The following KHDC1 variants were observed in gnomAD, a reference collection of about 807,000 sequenced individuals.
KHDC1 encodes KH domain containing 1.
A neutral mutation model predicts 24.7 loss-of-function variants in KHDC1; 21 were observed. The observed-to-expected ratio is 0.85, with a 90% CI of 0.60 to 1.23. The LOEUF is 1.23. Ranked by LOEUF, KHDC1 falls within the 50% of genes most tolerant of loss-of-function variation. The pLI is 0.00. For synonymous variants in KHDC1, 98 were observed against 111.7 expected (o/e 0.88, Z 0.77); for missense variants, 274 against 298.5 (o/e 0.92, Z 0.61).
intron 2 of KHDC1, among the ~76,000 whole-genome samples, chr6:73,244,416 C>T (rs1394777237): frequency 6.6e-6 from 1 of 152,020 alleles, no homozygotes; most frequent in Non-Finnish European, 1.5e-5. Context: ...ATAATGTCAG[C>T]AGACATACTT....
chr6:73,278,374 T>G (rs1426765550), intron 2 of KHDC1, among the ~76,000 whole-genome samples: 1 of 151,892 alleles, frequency 6.6e-6, no homozygotes, highest in Non-Finnish European at 1.5e-5. Context: ...TTTTTCTTAC[T>G]AGTCTACAAC....
chr6:73,300,720 G>T (rs1443693410), intron 1 of KHDC1: 1 of 152,098 alleles, frequency 6.6e-6, no homozygotes, highest in Non-Finnish European at 1.5e-5. Context: ...AATGTCAGTG[G>T]GTTGACTAAA....
chr6:73,256,683 G>T (rs1244186751), intron 2 of KHDC1, among the ~76,000 whole-genome samples: 1 of 152,134 alleles, frequency 6.6e-6, no homozygotes, highest in Non-Finnish European at 1.5e-5. Context: ...TAGGAGAAAG[G>T]TGCCTGTTGT....
At chr6:73,254,131 C>G (rs1196470990) in intron 2 of KHDC1, among the ~76,000 whole-genome samples, 1 of 151,942 alleles carries the variant, frequency 6.6e-6, no homozygotes, top group East Asian at 1.9e-4. Context: ...GGAGGGCATT[C>G]GTAAGAATGA....
chr6:73,262,001 C>T (rs1766989121), intron 2 of KHDC1, among the ~76,000 whole-genome samples: 1 of 151,890 alleles, frequency 6.6e-6, no homozygotes, highest in Non-Finnish European at 1.5e-5. Context: ...ATTCATTGAG[C>T]CCGGCAGGTT....
chr6:73,302,699 G>T (rs935835963), intron 1 of KHDC1, among the ~76,000 whole-genome samples: 2 of 152,166 alleles, frequency 1.3e-5, no homozygotes, highest in African/African-American at 4.8e-5. Flanking sequence ...ATAGTCTGAT[G>T]GGACCATTAT....
chr6:73,272,856 C>CTTTTTTTTTTTTTTTT (rs1158620688), intron 2 of KHDC1, among the ~76,000 whole-genome samples: 4 of 135,276 alleles, frequency 3.0e-5, no homozygotes, highest in African/African-American at 6.1e-5. Context: ...CTTTTCTTTT[C>CTTTTTTTTTTTTTTTT]TTTTTCTTTT....
chr6:73,266,490 G>A (rs1767079971), intron 2 of KHDC1, among the ~76,000 whole-genome samples: 1 of 152,190 alleles, frequency 6.6e-6, no homozygotes, highest in Non-Finnish European at 1.5e-5. Flanking sequence ...AAGTCCTCCT[G>A]TGTTTCAACA....
chr6:73,273,820 G>T (rs557084198), intron 2 of KHDC1, among the ~76,000 whole-genome samples: 1 of 151,392 alleles, frequency 6.6e-6, no homozygotes, highest in South Asian at 2.1e-4. Flanking sequence ...CTCTGTCTTA[G>T]AAAAAATAAA....
At chr6:73,261,070 CTT>C (rs1766971655) in intron 2 of KHDC1, among the ~76,000 whole-genome samples, 2 of 152,198 alleles carry the variant, frequency 1.3e-5, no homozygotes, top group South Asian at 2.1e-4. Context: ...GCAAACCTCT[CTT>C]GTCTACTCCT....
exon 1 of KHDC1, chr6:73,309,862 C>T (rs1306627088): frequency 1.6e-5 from 14 of 893,492 alleles, no homozygotes; most frequent in Non-Finnish European, 2.4e-5. Context: ...CACTTCGGGT[C>T]GGGGTCAACC....
At chr6:73,257,763 T>C (rs1766907470) in intron 2 of KHDC1, among the ~76,000 whole-genome samples, 2 of 151,998 alleles carry the variant, frequency 1.3e-5, no homozygotes, top group Non-Finnish European at 2.9e-5. Flanking sequence ...TTGATATTCA[T>C]GGCCAAGTAA....
rs562851080 is a variant in KHDC1, at chr6:73,293,835, C to G, written c.164-1795G>C. On this transcript the variant is annotated intron_variant, in intron 1 of 4. Coordinates refer to ENST00000370384, the Ensembl canonical transcript of KHDC1. The stretch of plus-strand genomic sequence containing the variant: ...CAGCCTGGCCAACATGGTGAAACCC[C>G]GTCTCTACAAAAACACAAAAATTAG... 2.6e-4 allele frequency among the ~76,000 whole-genome samples: 40 copies of G among 151,882 alleles called. 3 individuals are homozygous for G. The South Asian group carries it at 2.7e-3, about 10-fold the overall frequency.
At chr6:73,294,243 C>G (rs1484278646) in intron 1 of KHDC1, among the ~76,000 whole-genome samples, 2 of 151,984 alleles carry the variant, frequency 1.3e-5, no homozygotes, top group Non-Finnish European at 2.9e-5. Flanking sequence ...GTCTTGTTTC[C>G]TGCTGTGTCC....
chr6:73,298,423 A>ATTTTTTT lies in KHDC1; in HGVS notation c.164-6390_164-6384dup, dbSNP rs370446904. On this transcript the variant is annotated intron_variant, in intron 1 of 4. Transcript: ENST00000370384. ...CCTGGAAGGACTCTATACTTTGCAA[A>ATTTTTTT]TTTTTTTTTTTTTTTTTTTTTTTTT... is the stretch of plus-strand genomic sequence containing the variant. Among the ~76,000 whole-genome samples, 126 of 59,974 alleles carry ATTTTTTT rather than the reference A, an allele frequency of 2.1e-3. 6 individuals carry two copies. The highest frequency in any genetic ancestry group is 8.0e-3 in the African/African-American group (106 of 13,288). 39.3% of individuals were successfully genotyped at this position (59,974 alleles called of 152,430 possible).
exon 5 of KHDC1, chr6:73,241,532 C>T (rs182325320): frequency 5.6e-6 from 9 of 1,613,622 alleles, no homozygotes; most frequent in African/African-American, 1.3e-5. Context: ...TCCTTAATTA[C>T]GGATACAGTG....
intron 2 of KHDC1, among the ~76,000 whole-genome samples, chr6:73,252,140 T>C (rs1056415519): frequency 1.3e-5 from 2 of 149,984 alleles, no homozygotes; most frequent in African/African-American, 4.9e-5. Flanking sequence ...CCTCCCAGGC[T>C]CAAACAATTC....
At chr6:73,246,337 T>C (rs1274161546) in intron 2 of KHDC1, among the ~76,000 whole-genome samples, 2 of 152,232 alleles carry the variant, frequency 1.3e-5, no homozygotes, top group African/African-American at 4.8e-5. Flanking sequence ...AGAATTGTGA[T>C]AGCATAGACT....
chr6:73,270,964 A>G (rs992837580), intron 2 of KHDC1, among the ~76,000 whole-genome samples: 1 of 152,018 alleles, frequency 6.6e-6, no homozygotes, highest in South Asian at 2.1e-4. Flanking sequence ...TGCTGGGATT[A>G]CAAGCGTGAG....
Sources: gnomAD v4.1 joint callset for allele counts (sites outside exome capture counted in the v4.1 genomes callset) on GRCh38, gnomAD v4.1.1 for gene constraint, MANE v1.5 for transcripts, NCBI Gene and HGNC (gene_info 2026-07-23, HGNC 2026-07-21) for gene names.